The following SHROOM4 variants were observed in gnomAD, a reference collection of about 807,000 sequenced individuals.
SHROOM4 encodes the protein shroom family member 4, also known as protein Shroom4.
A neutral mutation model predicts 80.3 loss-of-function variants in SHROOM4; 17 were observed. That is an observed-to-expected ratio of 0.21 (90% confidence interval 0.14 to 0.32). SHROOM4 has a LOEUF of 0.32. SHROOM4 is among the 10% of genes least tolerant of loss of function. SHROOM4 has a pLI of 1.00. For missense variants in SHROOM4, 993 were observed against 1,140.3 expected (o/e 0.87, Z 1.86); for synonymous variants, 400 against 437.5 (o/e 0.91, Z 1.07).
chrX:50,750,346 G>A (rs939560696), intron 1 of SHROOM4, among the ~76,000 whole-genome samples: 8 of 111,816 alleles, frequency 7.2e-5, no homozygotes, highest in Non-Finnish European at 1.3e-4. Flanking sequence ...TGCAACCTTC[G>A]CCGCCTGGGT....
intron 5 of SHROOM4, among the ~76,000 whole-genome samples, chrX:50,608,927 C>A (rs578156918): frequency 4.2e-4 from 47 of 111,688 alleles, no homozygotes; most frequent in Non-Finnish European, 7.5e-4. Flanking sequence ...ACAAAAAACA[C>A]CACACAGGTC....
chrX:50,660,912 A>G (rs1197866263), intron 2 of SHROOM4, among the ~76,000 whole-genome samples: 1 of 110,137 alleles, frequency 9.1e-6, no homozygotes, highest in Admixed American at 9.7e-5. Flanking sequence ...ACACTGTGCC[A>G]ACAGAGTATC....
chrX:50,649,326 T>C (rs1489819233), intron 2 of SHROOM4, among the ~76,000 whole-genome samples: 6 of 112,140 alleles, frequency 5.4e-5, no homozygotes, highest in African/African-American at 1.9e-4. Flanking sequence ...TATGGACATG[T>C]GGTCACTATC....
At position 50,715,594 on chromosome X, in the gene SHROOM4, C is replaced by T. The variant is rs184209124; in HGVS notation, c.118-19657G>A. Among the ~76,000 whole-genome samples the T allele has an allele frequency of 1.6e-3, 176 of 111,215 alleles. 1 individual carries two copies. Among genetic ancestry groups the T allele is most frequent in the Non-Finnish European group, 2.4e-3 (125 of 53,030 alleles). ...GCCAGCAGGCATATAAAAATATGCT[C>T]AACATCACCAATCATCAGGGAAATA... On this transcript the variant is annotated intron_variant, in intron 1 of 8. Coordinates refer to ENST00000376020, the MANE Select transcript of SHROOM4 (RefSeq NM_020717.5).
intron 1 of SHROOM4, among the ~76,000 whole-genome samples, chrX:50,793,695 T>C (rs1430428710): frequency 1.9e-5 from 2 of 107,409 alleles, no homozygotes; most frequent in Non-Finnish European, 3.8e-5. Context: ...CTAATGTATA[T>C]TGCAGTAACT....
intron 1 of SHROOM4, among the ~76,000 whole-genome samples, chrX:50,733,458 A>G (rs7876456): frequency 0.065 from 7,267 of 111,399 alleles, 638 homozygotes; most frequent in African/African-American, 0.23. Flanking sequence ...CCTTATAAAA[A>G]AATGAGTTCA....
chrX:50,800,128 T>C (rs1309797358), intron 1 of SHROOM4, among the ~76,000 whole-genome samples: 1 of 112,145 alleles, frequency 8.9e-6, no homozygotes, highest in African/African-American at 3.2e-5. Flanking sequence ...TTCCCATGTG[T>C]GTGTCATTCA....
intron 6 of SHROOM4, among the ~76,000 whole-genome samples, chrX:50,606,591 A>T (rs1371707999): frequency 1.3e-4 from 13 of 102,529 alleles, no homozygotes; most frequent in African/African-American, 4.3e-4. Context: ...AAAAGAAATT[A>T]AAAAAAAAAA....
intron 2 of SHROOM4, among the ~76,000 whole-genome samples, chrX:50,651,083 GAAAC>G (rs782090158): frequency 1.8e-5 from 2 of 111,064 alleles, no homozygotes; most frequent in Non-Finnish European, 3.8e-5. Flanking sequence ...CCAGTGTGTT[GAAAC>G]AAACAAACAA....
At chrX:50,669,314 C>G (rs1932766645) in intron 2 of SHROOM4, among the ~76,000 whole-genome samples, 1 of 111,764 alleles carries the variant, frequency 8.9e-6, no homozygotes, top group Admixed American at 9.5e-5. Context: ...CTCCTCTCTC[C>G]TCTCTTCTCT....
chrX:50,811,239 A>G (rs1210883192), intron 1 of SHROOM4, among the ~76,000 whole-genome samples: 1 of 110,842 alleles, frequency 9.0e-6, no homozygotes, highest in Non-Finnish European at 1.9e-5. Flanking sequence ...CCTGGGAGGC[A>G]CAGGATGCAG....
intron 1 of SHROOM4, among the ~76,000 whole-genome samples, chrX:50,786,541 G>T (rs1935744848): frequency 2.7e-5 from 3 of 111,880 alleles, no homozygotes; most frequent in African/African-American, 9.8e-5. Context: ...GGACCAGTGT[G>T]ATCAGAGATG....
chrX:50,764,834 G>A (rs1935237741), intron 1 of SHROOM4, among the ~76,000 whole-genome samples: 1 of 111,362 alleles, frequency 9.0e-6, no homozygotes, highest in Non-Finnish European at 1.9e-5. Flanking sequence ...ATACTGCTAT[G>A]AAGAAATACA....
At chrX:50,811,479 A>C (rs1557273440) in intron 1 of SHROOM4, among the ~76,000 whole-genome samples, 1 of 111,627 alleles carries the variant, frequency 9.0e-6, no homozygotes, top group East Asian at 2.8e-4. Context: ...CAAGTTTTTA[A>C]TCTGCCAACC....
Position 50,814,022 on chromosome X carries a change from C to G in SHROOM4, c.-4G>C, listed in dbSNP as rs1557273796. On this transcript the variant is annotated 5_prime_UTR_variant, in exon 1 of 9. Coordinates refer to ENST00000376020, the MANE Select transcript of SHROOM4 (RefSeq NM_020717.5). ...AGGACCCAGGCCGGTTCTCCATCCT[C>G]GGCTGGGCTCAGGCGCCGCCGGGCT... The G allele has an allele frequency of 3.4e-6, 4 of 1,188,071 alleles. No homozygotes were observed. Among genetic ancestry groups the G allele is most frequent in the Non-Finnish European group, 4.6e-6 (4 of 875,939 alleles).
intron 6 of SHROOM4, 62 bp from the exon 7 acceptor site, chrX:50,602,875 T>C: frequency 2.9e-6 from 3 of 1,046,728 alleles, no homozygotes; most frequent in Non-Finnish European, 4.0e-6. Context: ...CATTTCTGCT[T>C]CTTAATTTCT....
intron 1 of SHROOM4, among the ~76,000 whole-genome samples, chrX:50,802,200 T>C (rs1557272664): frequency 8.9e-6 from 1 of 112,345 alleles, no homozygotes; most frequent in South Asian, 3.7e-4. Context: ...AATGCAGGTC[T>C]GTTCTACTAT....
In SHROOM4 at chrX:50,638,248, G is replaced by A; in HGVS notation, c.330C>T (p.Cys110=). 1 of 1,211,119 alleles carries A rather than the reference G, an allele frequency of 8.3e-7. No individual in the cohort carries two copies. The highest frequency in any genetic ancestry group is 1.1e-6 in the Non-Finnish European group (1 of 895,164). The change falls in exon 3 of 9, where the codon TGC becomes TGT. Residue 110 remains cysteine, a synonymous_variant. Coordinates refer to ENST00000376020, the MANE Select transcript of SHROOM4 (RefSeq NM_020717.5). ...AATGCATGGTGGTGGCTGCTTCAGG[G>A]CATCCCTCCAGCAGCTTGGCCACAT... is the stretch of plus-strand genomic sequence containing the variant. ...SWHVAKLLEG[C]PEAATTMHFP...
chrX:50,723,503 A>C (rs1934177949), intron 1 of SHROOM4, among the ~76,000 whole-genome samples: 1 of 110,189 alleles, frequency 9.1e-6, no homozygotes, highest in South Asian at 4.0e-4. Context: ...CTATGAGTGT[A>C]CTGATGGCTG....
Sources: allele counts gnomAD v4.1 joint callset (sites outside exome capture counted in the v4.1 genomes callset), GRCh38; gene constraint gnomAD v4.1.1; transcripts MANE v1.5; gene names NCBI Gene and HGNC (gene_info 2026-07-23, HGNC 2026-07-21).